Variants in RTN4 observed in about 807,000 individuals in gnomAD.
RTN4 encodes the protein reticulon-4.
RTN4 carries 32 observed loss-of-function variants against 90.4 expected under a neutral mutation model. That is an observed-to-expected ratio of 0.35 (90% CI 0.27 to 0.48). The LOEUF (loss-of-function observed/expected upper bound fraction) is 0.48. Ranked by LOEUF, RTN4 falls within the 20% of genes least tolerant of loss-of-function variation. The pLI is 0.99. For missense variants in RTN4, 1,706 were observed against 1,430.2 expected, an observed-to-expected ratio of 1.19 and a Z score of -3.11; for synonymous variants, 629 against 552.5, an observed-to-expected ratio of 1.14 and a Z score of -1.94.
At chr2:54,981,541 C>T (rs1314113186) in intron 5 of RTN4, among the ~76,000 whole-genome samples, 2 of 152,120 alleles carry the variant, frequency 1.3e-5, no homozygotes, top group African/African-American at 4.8e-5. Context: ...GCATATACAA[C>T]ACAAATGACA....
At position 55,026,131 on chromosome 2, in the gene RTN4, G is replaced by A. The variant is rs1337614288; in HGVS notation, c.1968C>T (p.Pro656=). 1 of 1,613,376 alleles carries A rather than the reference G, an allele frequency of 6.2e-7. No homozygotes were observed. The highest frequency in any genetic ancestry group is 8.5e-7 in the Non-Finnish European group (1 of 1,179,776). ...CACTCATGGCCTCTTCATATGGTGGGGGGTTTTCAGGCTCATGTTTTATGC... is the reference window on the plus strand; with the variant it reads ...CACTCATGGCCTCTTCATATGGTGGAGGGTTTTCAGGCTCATGTTTTATGC... ...YESIKHEPEN[P]PPYEEAMSVS... Residue 656 remains proline (P), a synonymous_variant, in exon 3 of 9, where the codon CCC becomes CCT. Transcript: ENST00000337526.
At chr2:55,088,499 G>T (rs1668882359) in intron 1 of RTN4, among the ~76,000 whole-genome samples, 1 of 152,156 alleles carries the variant, frequency 6.6e-6, no homozygotes, top group Admixed American at 6.5e-5. Flanking sequence ...CTCTCAGGAG[G>T]ATTACATACT....
intron 1 of RTN4, among the ~76,000 whole-genome samples, chr2:55,100,859 T>C (rs1481823294): frequency 3.4e-5 from 5 of 147,740 alleles, no homozygotes; most frequent in African/African-American, 1.3e-4. Context: ...TTCTTTTTTC[T>C]CTTGACAGCA....
At chr2:55,056,239 A>G (rs1303511273) in intron 2 of RTN4, among the ~76,000 whole-genome samples, 2 of 152,114 alleles carry the variant, frequency 1.3e-5, no homozygotes, top group East Asian at 3.8e-4. Flanking sequence ...TCCAGTGATC[A>G]CACTATCTAC....
chr2:55,017,878 AT>A (rs1160566259), intron 3 of RTN4, among the ~76,000 whole-genome samples: 3 of 152,202 alleles, frequency 2.0e-5, no homozygotes, highest in African/African-American at 7.2e-5. Context: ...CACAACAGAT[AT>A]ATGATAAAAG....
intron 5 of RTN4, among the ~76,000 whole-genome samples, chr2:54,981,947 C>CTA (rs34736146): frequency 0.061 from 9,200 of 151,020 alleles, 509 homozygotes; most frequent in African/African-American, 0.14. Flanking sequence ...GAAAGTATTA[C>CTA]TATATATATA....
upstream of RTN4, among the ~76,000 whole-genome samples, chr2:55,055,776 A>C (rs1342293937): frequency 2.6e-5 from 4 of 151,556 alleles, no homozygotes; most frequent in African/African-American, 7.3e-5. Flanking sequence ...TCTCAAAAAA[A>C]AAAACAAAAA....
intron 3 of RTN4, among the ~76,000 whole-genome samples, chr2:55,013,853 G>C (rs560204230): frequency 1.3e-5 from 2 of 152,168 alleles, no homozygotes; most frequent in Non-Finnish European, 2.9e-5. Context: ...GCAAGGGAAA[G>C]AGGGTGGGAA....
At chr2:54,973,255 C>T (rs149157025) in intron 8 of RTN4, 57 bp from the exon 9 acceptor site, 145 of 1,391,974 alleles carry the variant, frequency 1.0e-4, no homozygotes, top group South Asian at 1.0e-3. Flanking sequence ...CTTAAAATAC[C>T]ATCTTCCAAG....
chr2:55,051,008 T>C (rs368867952), upstream of RTN4, among the ~76,000 whole-genome samples: 1 of 152,140 alleles, frequency 6.6e-6, no homozygotes, highest in Admixed American at 6.5e-5. Flanking sequence ...GCCCTAAGGA[T>C]TTTTAAAGAT....
intron 3 of RTN4, among the ~76,000 whole-genome samples, chr2:55,014,015 T>C (rs1680845899): frequency 6.6e-6 from 1 of 152,192 alleles, no homozygotes; most frequent in Non-Finnish European, 1.5e-5. Flanking sequence ...TACACAGTAG[T>C]TTTAAGCTTA....
the RTN4 span, among the ~76,000 whole-genome samples, chr2:55,128,858 G>A: frequency 1.3e-5 from 2 of 151,704 alleles, no homozygotes; most frequent in Non-Finnish European, 2.9e-5. Flanking sequence ...TGTAATCCCA[G>A]CACTTTGGAA....
At chr2:55,018,026 A>C (rs545963242) in intron 3 of RTN4, among the ~76,000 whole-genome samples, 33 of 152,308 alleles carry the variant, frequency 2.2e-4, no homozygotes, top group African/African-American at 7.7e-4. Flanking sequence ...TAATACAAAT[A>C]AGAAGTTAGC....
intron 5 of RTN4, 131 bp from the exon 6 acceptor site, chr2:54,974,895 T>TGA: frequency 1.5e-6 from 1 of 675,972 alleles, no homozygotes; most frequent in South Asian, 1.8e-5. Flanking sequence ...TAAAGTACCA[T>TGA]GAGCAGTTCA....
the RTN4 span, among the ~76,000 whole-genome samples, chr2:55,132,965 A>G: frequency 3.3e-5 from 5 of 151,620 alleles, no homozygotes; most frequent in African/African-American, 1.2e-4. Context: ...TAAATCCTGT[A>G]CTTTGGGAGG....
chr2:54,996,829 C>G (rs1297468430), intron 3 of RTN4, among the ~76,000 whole-genome samples: 1 of 152,130 alleles, frequency 6.6e-6, no homozygotes, highest in Non-Finnish European at 1.5e-5. Flanking sequence ...GGTGCAAAAG[C>G]AGGCAGCCTC....
At chr2:55,037,742 T>A (rs1413389256) in intron 1 of RTN4, among the ~76,000 whole-genome samples, 1 of 152,194 alleles carries the variant, frequency 6.6e-6, no homozygotes, top group Non-Finnish European at 1.5e-5. Context: ...ATCTCTAGAT[T>A]CAATGCAATC....
chr2:55,063,488 A>G (rs1668336420), intron 2 of RTN4, among the ~76,000 whole-genome samples: 1 of 152,006 alleles, frequency 6.6e-6, no homozygotes, highest in Non-Finnish European at 1.5e-5. Context: ...TAGCAGATGC[A>G]ACGTCATTTA....
chr2:55,087,121 G>C (rs1319843542), intron 1 of RTN4, among the ~76,000 whole-genome samples: 1 of 152,108 alleles, frequency 6.6e-6, no homozygotes, highest in Admixed American at 6.5e-5. Context: ...TATTCATCTG[G>C]TCATCCAACA....
Sources: gnomAD v4.1 joint callset for allele counts (sites outside exome capture counted in the v4.1 genomes callset) on GRCh38, gnomAD v4.1.1 for gene constraint, MANE v1.5 for transcripts, NCBI Gene and HGNC (gene_info 2026-07-23, HGNC 2026-07-21) for gene names.